SYNDIG1: variants seen among roughly 807,000 people sequenced by gnomAD.
SYNDIG1 encodes synapse differentiation-inducing gene protein 1.
A neutral mutation model predicts 19.4 loss-of-function variants in SYNDIG1; 9 were observed. The ratio of observed to expected loss-of-function variants is 0.46; its 90% confidence interval spans 0.28 to 0.81. The LOEUF is 0.81. Ranked by LOEUF, SYNDIG1 falls within the 30% of genes least tolerant of loss-of-function variation. The pLI, the probability that SYNDIG1 is intolerant of heterozygous loss-of-function variation, is 0.12. For synonymous variants in SYNDIG1, 141 were observed against 145.9 expected (o/e 0.97, Z 0.24); for missense variants, 311 against 343.3 (o/e 0.91, Z 0.74).
intron 2 of SYNDIG1, among the ~76,000 whole-genome samples, chr20:24,567,991 G>C (rs901961202): frequency 6.6e-6 from 1 of 151,838 alleles, no homozygotes; most frequent in Non-Finnish European, 1.5e-5. Context: ...AAAATTAGCC[G>C]GACATGATGG....
At chr20:24,491,073 A>T (rs1427090020) in intron 1 of SYNDIG1, among the ~76,000 whole-genome samples, 1 of 152,166 alleles carries the variant, frequency 6.6e-6, no homozygotes, top group East Asian at 1.9e-4. Flanking sequence ...TCAGGAAAGG[A>T]CAGGCGCCAT....
chr20:24,542,896 TA>T, intron 1 of SYNDIG1, 123 bp from the exon 2 acceptor site: 1 of 744,526 alleles, frequency 1.3e-6, no homozygotes, highest in Non-Finnish European at 2.1e-6. Context: ...GCATTTTATC[TA>T]ACTCTCACAG....
At chr20:24,607,981 C>G (rs1036289245) in intron 3 of SYNDIG1, among the ~76,000 whole-genome samples, 1 of 152,130 alleles carries the variant, frequency 6.6e-6, no homozygotes, top group Admixed American at 6.5e-5. Context: ...GGATGAGATC[C>G]TCTTATGAAA....
intron 1 of SYNDIG1, among the ~76,000 whole-genome samples, chr20:24,527,061 A>G (rs2057138513): frequency 1.3e-5 from 2 of 152,208 alleles, no homozygotes; most frequent in Non-Finnish European, 2.9e-5. Flanking sequence ...AACATTTCAC[A>G]GGTAGCGTCC....
intron 1 of SYNDIG1, among the ~76,000 whole-genome samples, chr20:24,539,752 T>C (rs1028448044): frequency 7.0e-6 from 1 of 142,896 alleles, no homozygotes; most frequent in Non-Finnish European, 1.5e-5. Flanking sequence ...CTTTAATTTT[T>C]TTCAGCAGTG....
At chr20:24,531,662 C>T (rs952459848) in intron 1 of SYNDIG1, among the ~76,000 whole-genome samples, 1 of 151,468 alleles carries the variant, frequency 6.6e-6, no homozygotes, top group African/African-American at 2.4e-5. Context: ...AATGAGTAAT[C>T]AAAATTTCTT....
chr20:24,512,534 G>A (rs964009273), intron 1 of SYNDIG1, among the ~76,000 whole-genome samples: 18 of 152,102 alleles, frequency 1.2e-4, no homozygotes, highest in East Asian at 9.7e-4. Flanking sequence ...ACGGAGCCTC[G>A]CTCATTGCTA....
At chr20:24,626,724 C>T (rs1293601762) in intron 3 of SYNDIG1, among the ~76,000 whole-genome samples, 3 of 152,226 alleles carry the variant, frequency 2.0e-5, no homozygotes, top group Non-Finnish European at 4.4e-5. Flanking sequence ...CCAAGGCAGG[C>T]GGCTGGGAGG....
chr20:24,534,146 C>A (rs189642513), intron 1 of SYNDIG1, among the ~76,000 whole-genome samples: 2 of 152,158 alleles, frequency 1.3e-5, no homozygotes, highest in East Asian at 1.9e-4. Flanking sequence ...ACCTCGTTCC[C>A]GGCCCCACCT....
chr20:24,536,154 C>T lies in SYNDIG1; in HGVS notation c.-78-6866C>T, dbSNP rs938459713. 2.6e-5 allele frequency among the ~76,000 whole-genome samples: 4 copies of T among 152,304 alleles called. No individual in the cohort carries two copies. In the East Asian group the frequency reaches 5.8e-4, roughly 22 times the overall value. On this transcript the variant is annotated intron_variant, in intron 1 of 3. Transcript: ENST00000376862. ...CGCGATGACTTGTCCCCAGCAGAAC[C>T]AGAGGGGCGTGGCCATGCTGTCATC... is the stretch of plus-strand genomic sequence containing the variant.
chr20:24,533,801 T>G (rs2057308676), intron 1 of SYNDIG1, among the ~76,000 whole-genome samples: 1 of 152,046 alleles, frequency 6.6e-6, no homozygotes, highest in African/African-American at 2.4e-5. Flanking sequence ...GCACCATCAA[T>G]CCCTGGGATG....
intron 1 of SYNDIG1, among the ~76,000 whole-genome samples, chr20:24,488,864 G>T (rs1037318374): frequency 6.6e-6 from 1 of 152,130 alleles, no homozygotes; most frequent in Non-Finnish European, 1.5e-5. Context: ...GAGCATCCCC[G>T]GGCGCTCGGA....
chr20:24,534,463 C>T (rs73343345), intron 1 of SYNDIG1, among the ~76,000 whole-genome samples: 58 of 152,330 alleles, frequency 3.8e-4, no homozygotes, highest in African/African-American at 1.4e-3. Flanking sequence ...GGTCCCTCTG[C>T]TGGCCTTTGC....
At chr20:24,480,582 T>C (rs947847643) in intron 1 of SYNDIG1, among the ~76,000 whole-genome samples, 1 of 152,220 alleles carries the variant, frequency 6.6e-6, no homozygotes, top group Non-Finnish European at 1.5e-5. Flanking sequence ...TCAGAAACAC[T>C]AAACATAGAT....
At chr20:24,500,500 TTCTTTC>T (rs1568587807) in intron 1 of SYNDIG1, among the ~76,000 whole-genome samples, 1 of 142,998 alleles carries the variant, frequency 7.0e-6, no homozygotes, top group Non-Finnish European at 1.5e-5. Flanking sequence ...CTTTCTTTCT[TTCTTTC>T]TTTCTTTCTT....
At chr20:24,645,456 C>T (rs889116038) in intron 3 of SYNDIG1, among the ~76,000 whole-genome samples, 10 of 152,218 alleles carry the variant, frequency 6.6e-5, no homozygotes, top group Admixed American at 6.5e-4. Flanking sequence ...GGTGCCACAG[C>T]TGTGGCTGTG....
intron 1 of SYNDIG1, among the ~76,000 whole-genome samples, chr20:24,478,722 G>A (rs58816199): frequency 0.017 from 2,561 of 152,248 alleles, 73 homozygotes; most frequent in African/African-American, 0.059. Flanking sequence ...GGAGGAGAGC[G>A]CCACAGCCAG....
At chr20:24,605,064 G>C (rs1316492832) in intron 3 of SYNDIG1, among the ~76,000 whole-genome samples, 4 of 152,116 alleles carry the variant, frequency 2.6e-5, no homozygotes, top group Non-Finnish European at 5.9e-5. Flanking sequence ...TAGTTGGGGG[G>C]CATCTGGGTA....
At chr20:24,498,323 C>CATA (rs2056351069) in intron 1 of SYNDIG1, among the ~76,000 whole-genome samples, 1 of 152,198 alleles carries the variant, frequency 6.6e-6, no homozygotes, top group South Asian at 2.1e-4. Flanking sequence ...GAACACTTAA[C>CATA]ATAAGGTCTA....
Sources: gnomAD v4.1 joint callset for allele counts (sites outside exome capture counted in the v4.1 genomes callset) on GRCh38, gnomAD v4.1.1 for gene constraint, MANE v1.5 for transcripts, NCBI Gene and HGNC (gene_info 2026-07-23, HGNC 2026-07-21) for gene names.